The following FHIT variants were observed in gnomAD, a reference collection of about 807,000 sequenced individuals.
FHIT encodes bis(5'-adenosyl)-triphosphatase.
Under a neutral mutation model 17.9 loss-of-function variants are expected in FHIT, and 19 were observed. That is an observed-to-expected ratio of 1.06 (90% CI 0.74 to 1.56). The LOEUF is 1.56. Ranked by LOEUF, FHIT falls within the 40% of genes most tolerant of loss-of-function variation. The pLI, the probability that FHIT is intolerant of heterozygous loss-of-function variation, is 0.00. For missense variants in FHIT, 248 were observed against 189.2 expected (o/e 1.31, Z -1.82); for synonymous variants, 81 against 69.7 (o/e 1.16, Z -0.81).
At chr3:60,773,748 C>G (rs1700124127) in intron 4 of FHIT, among the ~76,000 whole-genome samples, 1 of 152,216 alleles carries the variant, frequency 6.6e-6, no homozygotes, top group Non-Finnish European at 1.5e-5. Context: ...CACTTGGGAA[C>G]TAGATTACAG....
chr3:60,857,965 G>T (rs1216411824), intron 3 of FHIT, among the ~76,000 whole-genome samples: 1 of 152,098 alleles, frequency 6.6e-6, no homozygotes, highest in Non-Finnish European at 1.5e-5. Context: ...TAGCCTATAA[G>T]AGCTTAACAA....
At chr3:61,213,423 T>C (rs978386918) in intron 1 of FHIT, among the ~76,000 whole-genome samples, 11 of 152,188 alleles carry the variant, frequency 7.2e-5, no homozygotes, top group Non-Finnish European at 1.2e-4. Flanking sequence ...CATTACGTAA[T>C]GGTAAAGGGA....
intron 5 of FHIT, among the ~76,000 whole-genome samples, chr3:60,521,502 C>A (rs1409496087): frequency 6.6e-6 from 1 of 152,166 alleles, no homozygotes; most frequent in South Asian, 2.1e-4. Context: ...CCACCTCGGC[C>A]TCCCAAAGTG....
intron 5 of FHIT, among the ~76,000 whole-genome samples, chr3:60,203,980 TA>T (rs1414093247): frequency 6.6e-6 from 1 of 151,902 alleles, no homozygotes; most frequent in Non-Finnish European, 1.5e-5. Flanking sequence ...TTAGTGAGTA[TA>T]AAAAATAGAA....
intron 2 of FHIT, among the ~76,000 whole-genome samples, chr3:61,199,577 G>C (rs960170796): frequency 6.6e-6 from 1 of 151,874 alleles, no homozygotes; most frequent in Admixed American, 6.6e-5. Context: ...ATCTAAAAGG[G>C]GTTTTCTCCA....
At chr3:60,884,479 T>G (rs563618598) in intron 3 of FHIT, among the ~76,000 whole-genome samples, 14 of 152,256 alleles carry the variant, frequency 9.2e-5, no homozygotes, top group Admixed American at 6.5e-4. Context: ...CCATCAGCTA[T>G]GGATGAAAAG....
chr3:60,748,689 G>A (rs1426012701), intron 4 of FHIT, among the ~76,000 whole-genome samples: 1 of 152,124 alleles, frequency 6.6e-6, no homozygotes, highest in Non-Finnish European at 1.5e-5. Flanking sequence ...GCACACGCCT[G>A]TAATCCTAGC....
chr3:60,443,505 G>A (rs1296026244), intron 5 of FHIT, among the ~76,000 whole-genome samples: 1 of 152,082 alleles, frequency 6.6e-6, no homozygotes, highest in East Asian at 1.9e-4. Flanking sequence ...TTTATCAAAG[G>A]CCTTTTCTGC....
chr3:60,536,691 G>C (rs549618843), intron 5 of FHIT, 169 bp downstream of exon 5: 4 of 603,656 alleles, frequency 6.6e-6, no homozygotes, highest in South Asian at 7.9e-5. Flanking sequence ...ACTGGATTCA[G>C]AATAAATATG....
intron 5 of FHIT, among the ~76,000 whole-genome samples, chr3:60,030,014 G>A (rs1297898343): frequency 2.0e-5 from 3 of 151,364 alleles, no homozygotes; most frequent in Admixed American, 6.6e-5. Context: ...ACATGAGAAC[G>A]CTCCCGTCAT....
intron 5 of FHIT, among the ~76,000 whole-genome samples, chr3:60,028,763 G>C (rs1338897655): frequency 6.6e-6 from 1 of 152,104 alleles, no homozygotes; most frequent in Non-Finnish European, 1.5e-5. Context: ...GTAACCCAAG[G>C]AATTTAGTAA....
At chr3:60,162,074 A>G (rs1035990691) in intron 5 of FHIT, among the ~76,000 whole-genome samples, 1 of 152,168 alleles carries the variant, frequency 6.6e-6, no homozygotes, top group Non-Finnish European at 1.5e-5. Flanking sequence ...AAAAGTATGG[A>G]AAGCCCTAGA....
At chr3:60,431,117 A>G (rs1233573671) in intron 5 of FHIT, among the ~76,000 whole-genome samples, 1 of 151,960 alleles carries the variant, frequency 6.6e-6, no homozygotes, top group Admixed American at 6.6e-5. Context: ...GAGCTGAGAC[A>G]GAAGAATAGC....
chr3:60,516,681 A>G (rs1039476065), intron 5 of FHIT, among the ~76,000 whole-genome samples: 1 of 152,244 alleles, frequency 6.6e-6, no homozygotes, highest in Non-Finnish European at 1.5e-5. Context: ...ATTAATATTT[A>G]TCAAATGCCT....
chr3:60,206,171 A>AATTATTATT (rs72133262), intron 5 of FHIT, among the ~76,000 whole-genome samples: 52 of 143,932 alleles, frequency 3.6e-4, no homozygotes, highest in African/African-American at 9.9e-4. Context: ...TAATAATAAT[A>AATTATTATT]ATTATAACAC....
chr3:60,854,742 A>G (rs1190901842), intron 3 of FHIT, among the ~76,000 whole-genome samples: 2 of 152,038 alleles, frequency 1.3e-5, no homozygotes, highest in East Asian at 3.9e-4. Context: ...CCATCCAGTG[A>G]CTTCCACATA....
chr3:60,052,200 T>C (rs9831509), intron 5 of FHIT, among the ~76,000 whole-genome samples: 9,167 of 152,076 alleles, frequency 0.06, 452 homozygotes, highest in African/African-American at 0.13. Flanking sequence ...TATAATCCCA[T>C]AAGAACCAAG....
At chr3:60,256,059 C>A (rs1039722559) in intron 5 of FHIT, among the ~76,000 whole-genome samples, 1 of 152,136 alleles carries the variant, frequency 6.6e-6, no homozygotes. Context: ...TGTGGCCCAC[C>A]TTTATACCTA....
chr3:60,963,146 G>T lies in FHIT; in HGVS notation c.-111+78901C>A, dbSNP rs181802389. On this transcript the variant is annotated intron_variant, in intron 3 of 9. Transcript: ENST00000492590. ...TATTAAGGGATTCAACTTCGTCCTG[G>T]TTTAGTCTTGGGAGAGTGTATGTGT... is the stretch of plus-strand genomic sequence containing the variant. Among the ~76,000 whole-genome samples, 318 of 152,264 alleles carry T rather than the reference G, an allele frequency of 2.1e-3. 3 individuals carry two copies. The highest frequency in any genetic ancestry group is 6.9e-3 in the African/African-American group (288 of 41,546).
Sources: gnomAD v4.1 joint callset for allele counts (sites outside exome capture counted in the v4.1 genomes callset) on GRCh38, gnomAD v4.1.1 for gene constraint, MANE v1.5 for transcripts, NCBI Gene and HGNC (gene_info 2026-07-23, HGNC 2026-07-21) for gene names.